HOXB6: variants seen among roughly 807,000 people sequenced by gnomAD.
HOXB6 encodes homeobox B6.
Under a neutral mutation model 24.2 loss-of-function variants are expected in HOXB6, and 18 were observed. That is an observed-to-expected ratio of 0.74 (90% CI 0.51 to 1.10). HOXB6 has a LOEUF of 1.10. HOXB6 is among the 50% of genes least tolerant of loss of function. HOXB6 has a pLI of 0.00. For synonymous variants in HOXB6, 159 were observed against 139.1 expected (o/e 1.14, Z -1.01); for missense variants, 332 against 308.3 (o/e 1.08, Z -0.58).
Position 48,596,860 on chromosome 17 carries a change from T to C in HOXB6, c.416-188A>G. 7.9e-7 allele frequency: 1 copy of C among 1,262,572 alleles called. No homozygotes were observed. Among genetic ancestry groups the C allele is most frequent in the Non-Finnish European group, 1.1e-6 (1 of 924,580 alleles). The allele number at this position is 1,262,572 out of a possible 1,614,324, so 78.2% of individuals were successfully genotyped here. A position where few individuals can be genotyped will look rare whatever the true frequency, so the allele number is the denominator to read the frequency against. The stretch of plus-strand genomic sequence containing the variant: ...CTCCTAGTCTCCTAGGCCTGTGCCG[T>C]CTGTCTAGACTCTAGATGGGGGAGG... On this transcript the variant is annotated intron_variant, in intron 3 of 3. Coordinates refer to ENST00000225648, the MANE Select transcript of HOXB6 (RefSeq NM_018952.5). The surrounding 1 kb of genome is among the most constrained non-coding windows in gnomAD (Gnocchi z 4.8).
At position 48,596,317 on chromosome 17, in the gene HOXB6, C is replaced by T; in HGVS notation, c.*96G>A. 6.3e-7 allele frequency: 1 copy of T among 1,581,408 alleles called. No individual in the cohort carries two copies. The highest frequency in any genetic ancestry group is 1.1e-5 in the South Asian group (1 of 90,000). ...CTGCGCCGGAGAGCAGGTCTCCTGG[C>T]TCCCCCACCCGAGAGCCTTCCTTCC... On this transcript the variant is annotated 3_prime_UTR_variant, in exon 4 of 4. Transcript: ENST00000225648. This position sits in a 1 kb window ranked among gnomAD's most constrained non-coding sequence, Gnocchi z 4.8.
intron 2 of HOXB6, chr17:48,601,785 C>T (rs1208502353): frequency 1.8e-5 from 4 of 216,314 alleles, no homozygotes; most frequent in Non-Finnish European, 3.8e-5. Flanking sequence ...CAGGCAATTT[C>T]CTGGAACCCC....
At chr17:48,597,196 T>A in intron 3 of HOXB6, 3 of 525,850 alleles carry the variant, frequency 5.7e-6, no homozygotes, top group Non-Finnish European at 7.7e-6. Context: ...CCCTCTCTCT[T>A]CCTTCCCCTT....
intron 2 of HOXB6, chr17:48,603,743 G>A (rs1597882938): frequency 6.6e-6 from 1 of 152,360 alleles, no homozygotes; most frequent in Middle Eastern, 3.4e-3. Flanking sequence ...CTGTCTCCCT[G>A]TAGAGCGAGG....
Position 48,596,615 on chromosome 17 carries a change from G to C in HOXB6, c.473C>G (p.Thr158Arg), listed in dbSNP as rs997797286. 1 of 1,614,022 alleles carries C rather than the reference G, an allele frequency of 6.2e-7. No homozygotes were observed. The highest frequency in any genetic ancestry group is 8.5e-7 in the Non-Finnish European group (1 of 1,180,056). Residue 158 changes from threonine to arginine, a missense_variant, in exon 4 of 4, where the codon ACG becomes AGG. Thr to Arg is a moderately conservative substitution (Grantham distance 71, BLOSUM62 -1). Transcript: ENST00000225648. This position sits in a 1 kb window ranked among gnomAD's most constrained non-coding sequence, Gnocchi z 4.8. Reference sequence around the variant, plus strand: ...GTGAAACTCCTTCTCCAGCTCCAGCGTCTGGTAACGTGTGTATGTCTGGCG... The same window carrying C: ...GTGAAACTCCTTCTCCAGCTCCAGCCTCTGGTAACGTGTGTATGTCTGGCG... Reference protein sequence around the residue: ...RGRQTYTRYQTLELEKEFHYN... With the variant: ...RGRQTYTRYQRLELEKEFHYN...
intron 3 of HOXB6, 58 bp downstream of exon 3, chr17:48,597,678 T>C: frequency 6.4e-7 from 1 of 1,555,926 alleles, no homozygotes. Context: ...ACTAGTTCTG[T>C]GTCCCGGGGT....
intron 2 of HOXB6, chr17:48,600,512 A>C (rs1472644196): frequency 2.2e-6 from 1 of 455,792 alleles, no homozygotes; most frequent in African/African-American, 2.0e-5. Flanking sequence ...CATGAAAGAA[A>C]ATAGCGCCTC....
chr17:48,598,121 G>A lies in HOXB6; in HGVS notation c.30C>T (p.Phe10=), dbSNP rs2070365968. 6.3e-7 allele frequency: 1 copy of A among 1,595,122 alleles called. No homozygotes were observed. The highest frequency in any genetic ancestry group is 1.3e-5 in the African/African-American group (1 of 74,528). The stretch of plus-strand genomic sequence containing the variant: ...CCTGCCCGCTGGCCAGAGTGACGGG[G>A]AAGGTGGAGTTCACGAAATAGGAAC... MSSYFVNST[F]PVTLASGQES... is the part of the protein sequence containing the mutation. Residue 10 remains phenylalanine, a synonymous_variant, in exon 3 of 4, where the codon TTC becomes TTT. Transcript: ENST00000225648.
chr17:48,596,819 G>A lies in HOXB6; in HGVS notation c.416-147C>T, dbSNP rs2070311508. 2 of 1,340,288 alleles carry A rather than the reference G, an allele frequency of 1.5e-6. No homozygotes were observed. Among genetic ancestry groups the A allele is most frequent in the Non-Finnish European group, 2.1e-6 (2 of 974,228 alleles). 83.0% of individuals were successfully genotyped at this position (1,340,288 alleles called of 1,614,324 possible). A position where few individuals can be genotyped will look rare whatever the true frequency, so the allele number is the denominator to read the frequency against. Reference sequence around the variant, plus strand: ...TTCCCCCGTTTCGCACTCCTCCAGCGCCCCCTCCAGATTCCCTCCTAGTCT... The same window carrying A: ...TTCCCCCGTTTCGCACTCCTCCAGCACCCCCTCCAGATTCCCTCCTAGTCT... On this transcript the variant is annotated intron_variant, in intron 3 of 3. Transcript: ENST00000225648. This position sits in a 1 kb window ranked among gnomAD's most constrained non-coding sequence, Gnocchi z 4.8.
intron 2 of HOXB6, among the ~76,000 whole-genome samples, chr17:48,599,091 G>C (rs937551516): frequency 2.0e-5 from 3 of 152,204 alleles, no homozygotes; most frequent in Admixed American, 6.5e-5. Flanking sequence ...AGGGGCACTG[G>C]GGAAAGGGAC....
At chr17:48,598,725 A>G (rs1158363092) in intron 2 of HOXB6, among the ~76,000 whole-genome samples, 2 of 152,214 alleles carry the variant, frequency 1.3e-5, no homozygotes, top group Admixed American at 6.5e-5. Flanking sequence ...GTTTGTTTCT[A>G]GGGTTTTGTG....
intron 2 of HOXB6, chr17:48,601,597 T>C (rs1167215439): frequency 1.9e-5 from 3 of 155,690 alleles, no homozygotes; most frequent in African/African-American, 7.2e-5. Context: ...TCGGGCCTTA[T>C]AGCCACCAGA....
In HOXB6 at chr17:48,597,887, G is replaced by T; in HGVS notation, c.264C>A (p.Cys88Ter). Reference protein sequence around the residue: ...PAFYREKESACALSGADEQPP... With the variant: ...PAFYREKESA ...GCTGCTCGTCGGCGCCGGAGAGTGC[G>T]CAGGCCGACTCTTTCTCGCGGTAGA... Residue 88 changes from cysteine to a stop codon, truncating the protein, a stop_gained, in exon 3 of 4, where the codon TGC becomes TGA. Coordinates refer to ENST00000225648, the MANE Select transcript of HOXB6 (RefSeq NM_018952.5). LOFTEE classifies it high-confidence loss of function. 1.3e-6 allele frequency: 2 copies of T among 1,587,100 alleles called. No individual in the cohort carries two copies. The highest frequency in any genetic ancestry group is 1.7e-6 in the Non-Finnish European group (2 of 1,166,144).
intron 2 of HOXB6, chr17:48,602,272 C>T (rs944174990): frequency 2.2e-6 from 1 of 455,104 alleles, no homozygotes; most frequent in African/African-American, 2.0e-5. Context: ...ACGGGGCCGG[C>T]GCCTGCCCTG....
rs1381005259 is a variant in HOXB6, at chr17:48,598,244, C to A, written c.-78-16G>T. 4 of 1,339,320 alleles carry A rather than the reference C, an allele frequency of 3.0e-6. No individual in the cohort carries two copies. The African/African-American group carries it at 4.4e-5, about 15-fold the overall frequency. The allele number at this position is 1,339,320 out of a possible 1,614,324, so 83.0% of individuals were successfully genotyped here. On this transcript the variant is annotated splice_polypyrimidine_tract_variant and intron_variant, in intron 2 of 3. Transcript: ENST00000225648. Reference sequence around the variant, plus strand: ...AGCGCCGCGCCTATTAGTAGTATATCCGAGATTGGGTTTTAGCTGAGGGGG... The same window carrying A: ...AGCGCCGCGCCTATTAGTAGTATATACGAGATTGGGTTTTAGCTGAGGGGG...
intron 2 of HOXB6, among the ~76,000 whole-genome samples, chr17:48,599,903 A>G (rs1567974913): frequency 6.6e-6 from 1 of 152,166 alleles, no homozygotes; most frequent in Non-Finnish European, 1.5e-5. Context: ...ACAAGACACT[A>G]GGGAAGGTGG....
intron 3 of HOXB6, among the ~76,000 whole-genome samples, chr17:48,597,375 G>A (rs1324535826): frequency 2.6e-5 from 4 of 152,056 alleles, no homozygotes; most frequent in African/African-American, 9.7e-5. Flanking sequence ...GTCTTTGGTT[G>A]GGGAACCCTA....
chr17:48,602,724 C>T (rs1365363446), intron 2 of HOXB6, among the ~76,000 whole-genome samples: 1 of 152,320 alleles, frequency 6.6e-6, no homozygotes, highest in Admixed American at 6.5e-5. Context: ...GCGGGGCTTG[C>T]GGCGCCGAAG....
At position 48,597,608 on chromosome 17, in the gene HOXB6, C is replaced by T; in HGVS notation, c.415+128G>A. The T allele has an allele frequency of 4.9e-6, 5 of 1,022,876 alleles. No individual in the cohort carries two copies. In the Admixed American group the frequency reaches 1.0e-4, roughly 21 times the overall value. The allele number at this position is 1,022,876 out of a possible 1,614,324, so 63.4% of individuals were successfully genotyped here. On this transcript the variant is annotated intron_variant, in intron 3 of 3. Coordinates refer to ENST00000225648, the MANE Select transcript of HOXB6 (RefSeq NM_018952.5). ...CCCCCGGCCGGCGCCCAATCTTCTT[C>T]TATCTCCTAACTGAGATGCCCACCC... is the stretch of plus-strand genomic sequence containing the variant.
Sources: gnomAD v4.1 joint callset for allele counts (sites outside exome capture counted in the v4.1 genomes callset) on GRCh38, gnomAD v4.1.1 for gene constraint, Gnocchi (gnomAD v3.1) non-coding constraint, MANE v1.5 for transcripts, NCBI Gene and HGNC (gene_info 2026-07-23, HGNC 2026-07-21) for gene names.